The following TMTC2 variants were observed in gnomAD, a reference collection of about 807,000 sequenced individuals.
The protein encoded by TMTC2 is protein O-mannosyl-transferase TMTC2.
TMTC2 carries 43 observed loss-of-function variants against 82.4 expected under a neutral mutation model. That is an observed-to-expected ratio of 0.52 (90% CI 0.41 to 0.67). The LOEUF is 0.67. Ranked by LOEUF, TMTC2 falls within the 30% of genes least tolerant of loss-of-function variation. The pLI, the probability that TMTC2 is intolerant of heterozygous loss-of-function variation, is 0.00. For synonymous variants in TMTC2, 408 were observed against 381.9 expected (o/e 1.07, Z -0.80); for missense variants, 919 against 1,012.4 (o/e 0.91, Z 1.25).
At chr12:83,113,493 C>A (rs1884659988) in intron 11 of TMTC2, among the ~76,000 whole-genome samples, 1 of 152,132 alleles carries the variant, frequency 6.6e-6, no homozygotes, top group Admixed American at 6.5e-5. Flanking sequence ...GATAAGTGAA[C>A]CTTTACTATG....
chr12:82,730,661 G>A (rs1874748698), intron 1 of TMTC2, among the ~76,000 whole-genome samples: 1 of 152,200 alleles, frequency 6.6e-6, no homozygotes, highest in Non-Finnish European at 1.5e-5. Flanking sequence ...AGAGTTAAGA[G>A]TGAGGTAGTT....
intron 7 of TMTC2, among the ~76,000 whole-genome samples, chr12:82,984,550 C>T (rs1478789187): frequency 6.6e-6 from 1 of 152,030 alleles, no homozygotes; most frequent in African/African-American, 2.4e-5. Context: ...TTACAAAAAG[C>T]CTCTGATTAC....
intron 1 of TMTC2, among the ~76,000 whole-genome samples, chr12:82,782,392 A>G (rs1485650501): frequency 1.3e-5 from 2 of 152,180 alleles, no homozygotes; most frequent in Non-Finnish European, 2.9e-5. Context: ...TATAGGTCTC[A>G]GAATTGATTA....
At position 82,797,752 on chromosome 12, in the gene TMTC2, G is replaced by A. The variant is rs535426973; in HGVS notation, c.84-59258G>A. On this transcript the variant is annotated intron_variant, in intron 1 of 11. Transcript: ENST00000321196. ...CAGTGCATGTTTTTGAAGGATTTTA[G>A]GTAGACAGAACCAGGACAGTATTAA... Among the ~76,000 whole-genome samples, 151 of 152,070 alleles carry A rather than the reference G, an allele frequency of 9.9e-4. 1 individual carries two copies. In the Middle Eastern group the frequency reaches 0.014, roughly 14 times the overall value.
chr12:82,726,707 T>C (rs916598639), intron 1 of TMTC2, among the ~76,000 whole-genome samples: 6 of 151,864 alleles, frequency 4.0e-5, no homozygotes, highest in Admixed American at 1.3e-4. Context: ...GGTGAAACCC[T>C]GTCTCTACTA....
At chr12:83,087,204 C>G (rs1486119689) in intron 11 of TMTC2, among the ~76,000 whole-genome samples, 1 of 152,176 alleles carries the variant, frequency 6.6e-6, no homozygotes, top group Non-Finnish European at 1.5e-5. Flanking sequence ...CCATCAGAAG[C>G]AACTCCTCAT....
At chr12:82,928,438 A>T (rs185324660) in intron 3 of TMTC2, among the ~76,000 whole-genome samples, 1 of 152,210 alleles carries the variant, frequency 6.6e-6, no homozygotes, top group African/African-American at 2.4e-5. Context: ...GAAGATAATT[A>T]TAATTTATTT....
intron 1 of TMTC2, among the ~76,000 whole-genome samples, chr12:82,729,176 G>A (rs1874628793): frequency 6.6e-6 from 1 of 152,244 alleles, no homozygotes; most frequent in African/African-American, 2.4e-5. Context: ...GGTGAAGCCA[G>A]TTGGGCTCCT....
At chr12:83,017,020 A>C (rs970421753) in intron 8 of TMTC2, among the ~76,000 whole-genome samples, 8 of 152,366 alleles carry the variant, frequency 5.3e-5, no homozygotes, top group African/African-American at 1.9e-4. Flanking sequence ...CTGTGACAAC[A>C]GGCCCCTGGA....
chr12:82,727,374 C>G (rs898276003), intron 1 of TMTC2, among the ~76,000 whole-genome samples: 1 of 152,008 alleles, frequency 6.6e-6, no homozygotes, highest in African/African-American at 2.4e-5. Flanking sequence ...GAGACTGAAT[C>G]TTTTCCAGAG....
chr12:82,856,947 T>G, intron 1 of TMTC2, 63 bp from the exon 2 acceptor site: 1 of 1,445,540 alleles, frequency 6.9e-7, no homozygotes, highest in Non-Finnish European at 9.4e-7. Context: ...ATCTTATCAA[T>G]GTCATATTTT....
intron 11 of TMTC2, among the ~76,000 whole-genome samples, chr12:83,107,828 T>C (rs566567730): frequency 6.6e-6 from 1 of 152,026 alleles, no homozygotes; most frequent in East Asian, 1.9e-4. Flanking sequence ...AATTTTGAAG[T>C]TTAGTCTTTG....
intron 3 of TMTC2, among the ~76,000 whole-genome samples, chr12:82,898,304 T>G (rs1873783583): frequency 6.6e-6 from 1 of 152,198 alleles, no homozygotes; most frequent in Non-Finnish European, 1.5e-5. Flanking sequence ...TATCAGCTAG[T>G]TTTTCTGCAC....
chr12:82,795,357 A>T (rs1020425173), intron 1 of TMTC2, among the ~76,000 whole-genome samples: 1 of 151,800 alleles, frequency 6.6e-6, no homozygotes, highest in Non-Finnish European at 1.5e-5. Flanking sequence ...ATGGTAAGAC[A>T]GCCTGTATAT....
At chr12:82,875,744 T>C (rs573581193) in intron 2 of TMTC2, among the ~76,000 whole-genome samples, 3 of 152,098 alleles carry the variant, frequency 2.0e-5, no homozygotes, top group Non-Finnish European at 4.4e-5. Flanking sequence ...TGTAAAAATA[T>C]ATCTTCAGTT....
intron 4 of TMTC2, among the ~76,000 whole-genome samples, chr12:82,939,902 G>A (rs1034344640): frequency 3.4e-4 from 51 of 151,466 alleles, no homozygotes; most frequent in African/African-American, 2.7e-4. Flanking sequence ...TGGAAGTCCA[G>A]TTAGGGTTTT....
chr12:82,983,893 T>G (rs1879039619), intron 7 of TMTC2, among the ~76,000 whole-genome samples: 2 of 152,044 alleles, frequency 1.3e-5, no homozygotes, highest in South Asian at 4.1e-4. Context: ...TTATATATAG[T>G]GTTTTAATAT....
rs145523564 is a variant in TMTC2, at chr12:82,745,677, A to G, written c.83+58008A>G. On this transcript the variant is annotated intron_variant, in intron 1 of 11. Coordinates refer to ENST00000321196, the MANE Select transcript of TMTC2 (RefSeq NM_152588.3). Reference sequence around the variant, plus strand: ...TGGAAGATGAGAATTAATTGTCTTTATGCAGGTGTCACATCAGCCTGCAAT... The same window carrying G: ...TGGAAGATGAGAATTAATTGTCTTTGTGCAGGTGTCACATCAGCCTGCAAT... Among the ~76,000 whole-genome samples, 5 of 152,342 alleles carry G rather than the reference A, an allele frequency of 3.3e-5. No homozygotes were observed. The East Asian group carries it at 9.6e-4, about 29-fold the overall frequency.
chr12:83,102,999 G>A lies in TMTC2; in HGVS notation c.2332-29211G>A, dbSNP rs144866280. On this transcript the variant is annotated intron_variant, in intron 11 of 11. Coordinates refer to ENST00000321196, the MANE Select transcript of TMTC2 (RefSeq NM_152588.3). ...TTCCTCTGGTAGAGGATAGAATAAT[G>A]TTCTGAAATGCTGTTGGGCTTTCAA... Among the ~76,000 whole-genome samples the A allele has an allele frequency of 9.2e-5, 14 of 152,278 alleles. No homozygotes were observed. The East Asian group carries it at 2.3e-3, about 25-fold the overall frequency.
Sources: gnomAD v4.1 joint callset for allele counts (sites outside exome capture counted in the v4.1 genomes callset) on GRCh38, gnomAD v4.1.1 for gene constraint, MANE v1.5 for transcripts, NCBI Gene and HGNC (gene_info 2026-07-23, HGNC 2026-07-21) for gene names.